KCTD16: variants seen among roughly 807,000 people sequenced by gnomAD.
KCTD16 encodes the protein potassium channel tetramerization domain containing 16.
Under a neutral mutation model 33.2 loss-of-function variants are expected in KCTD16, and 13 were observed. The ratio of observed to expected loss-of-function variants is 0.39; its 90% CI spans 0.25 to 0.62. KCTD16 has a LOEUF of 0.62. Among genes scored for constraint, KCTD16 ranks in the 20% least tolerant of loss-of-function variants. The pLI, the probability that KCTD16 is intolerant of heterozygous loss-of-function variation, is 0.50. For synonymous variants in KCTD16, 197 were observed against 195.3 expected (o/e 1.01, Z -0.07); for missense variants, 441 against 525.1 (o/e 0.84, Z 1.57).
At chr5:144,203,593 T>C (rs1026017230) in intron 2 of KCTD16, among the ~76,000 whole-genome samples, 2 of 152,194 alleles carry the variant, frequency 1.3e-5, no homozygotes, top group African/African-American at 4.8e-5. Context: ...TAAAAGATTA[T>C]AATTTTTCTT....
chr5:144,317,571 C>T (rs1277572423), intron 3 of KCTD16, among the ~76,000 whole-genome samples: 1 of 152,204 alleles, frequency 6.6e-6, no homozygotes, highest in Non-Finnish European at 1.5e-5. Context: ...GGCCCTGCCC[C>T]ACCATTTAGC....
intron 3 of KCTD16, among the ~76,000 whole-genome samples, chr5:144,235,496 G>A (rs528050950): frequency 5.9e-5 from 9 of 152,196 alleles, no homozygotes; most frequent in African/African-American, 1.9e-4. Flanking sequence ...GTGCACACAA[G>A]TTACTTAAAC....
At chr5:144,246,452 A>C (rs1754551229) in intron 3 of KCTD16, among the ~76,000 whole-genome samples, 1 of 152,242 alleles carries the variant, frequency 6.6e-6, no homozygotes, top group Non-Finnish European at 1.5e-5. Context: ...TATCCAAACA[A>C]TAGAATATCT....
chr5:144,367,994 A>T (rs1450339535), intron 3 of KCTD16, among the ~76,000 whole-genome samples: 1 of 150,732 alleles, frequency 6.6e-6, no homozygotes, highest in African/African-American at 2.4e-5. Flanking sequence ...AATAATGCTA[A>T]CTCCCCCACT....
chr5:144,209,567 C>T (rs960859398), intron 3 of KCTD16, among the ~76,000 whole-genome samples: 1 of 151,952 alleles, frequency 6.6e-6, no homozygotes, highest in African/African-American at 2.4e-5. Context: ...ATAAAACTGA[C>T]AGCTGGCTTT....
chr5:144,200,901 T>A (rs1375284387), intron 2 of KCTD16, among the ~76,000 whole-genome samples: 2 of 152,194 alleles, frequency 1.3e-5, no homozygotes, highest in Non-Finnish European at 2.9e-5. Flanking sequence ...CACACCAGGC[T>A]AATTTTTCTA....
chr5:144,442,747 T>G (rs925375953), intron 3 of KCTD16, among the ~76,000 whole-genome samples: 4 of 152,080 alleles, frequency 2.6e-5, no homozygotes, highest in Non-Finnish European at 2.9e-5. Flanking sequence ...CTGTTTCACT[T>G]AAGTTCAGCT....
At chr5:144,188,772 G>A (rs1752781183) in intron 2 of KCTD16, among the ~76,000 whole-genome samples, 1 of 152,164 alleles carries the variant, frequency 6.6e-6, no homozygotes, top group Non-Finnish European at 1.5e-5. Context: ...AGGTCAGCTT[G>A]AAAACACCAA....
At chr5:144,377,885 T>C (rs1752127521) in intron 3 of KCTD16, 1 of 152,202 alleles carries the variant, frequency 6.6e-6, no homozygotes, top group Non-Finnish European at 1.5e-5. Flanking sequence ...TAATTATCTG[T>C]TGCATCTCTT....
At chr5:144,278,124 T>C (rs1755489001) in intron 3 of KCTD16, among the ~76,000 whole-genome samples, 1 of 152,254 alleles carries the variant, frequency 6.6e-6, no homozygotes, top group East Asian at 1.9e-4. Flanking sequence ...AATTTTCTCT[T>C]ATGTTGTCTT....
At chr5:144,234,592 G>A in intron 3 of KCTD16, among the ~76,000 whole-genome samples, 1 of 152,040 alleles carries the variant, frequency 6.6e-6, no homozygotes, top group Non-Finnish European at 1.5e-5. Context: ...TTTGCTACTT[G>A]TCAGCTTTAT....
intron 3 of KCTD16, among the ~76,000 whole-genome samples, chr5:144,421,663 C>T (rs1013618349): frequency 1.3e-5 from 2 of 152,064 alleles, no homozygotes; most frequent in Non-Finnish European, 2.9e-5. Context: ...GTTGCACAGA[C>T]GTTACAATTA....
In KCTD16 at chr5:144,424,452, C is replaced by A. The variant is rs182244137; in HGVS notation, c.833-49208C>A. On this transcript the variant is annotated intron_variant, in intron 3 of 3. Coordinates refer to ENST00000512467, the MANE Select transcript of KCTD16 (RefSeq NM_020768.4). ...AGTACACAATCCACTGATGGCTTCC[C>A]AGCTGAATTAGAACAAAATCTAAAG... is the stretch of plus-strand genomic sequence containing the variant. 2.0e-3 allele frequency among the ~76,000 whole-genome samples: 301 copies of A among 152,264 alleles called. 2 individuals carry two copies. The highest frequency in any genetic ancestry group is 6.7e-3 in the African/African-American group (279 of 41,562).
intron 3 of KCTD16, among the ~76,000 whole-genome samples, chr5:144,239,678 A>C (rs1288384916): frequency 6.6e-6 from 1 of 152,166 alleles, no homozygotes; most frequent in Non-Finnish European, 1.5e-5. Flanking sequence ...AGGAAAATAT[A>C]AAAAGAAACA....
At chr5:144,308,132 C>G (rs1447447739) in intron 3 of KCTD16, among the ~76,000 whole-genome samples, 9 of 152,124 alleles carry the variant, frequency 5.9e-5, no homozygotes, top group Non-Finnish European at 1.3e-4. Context: ...CCAGGGCAGC[C>G]TTATTAATAG....
At chr5:144,400,372 C>A (rs1046153738) in intron 3 of KCTD16, among the ~76,000 whole-genome samples, 3 of 152,176 alleles carry the variant, frequency 2.0e-5, no homozygotes, top group African/African-American at 7.2e-5. Flanking sequence ...GGAAGCCAAT[C>A]AGGCAGAGTT....
intron 3 of KCTD16, among the ~76,000 whole-genome samples, chr5:144,424,781 C>A (rs1331628316): frequency 6.6e-6 from 1 of 152,022 alleles, no homozygotes; most frequent in Non-Finnish European, 1.5e-5. Context: ...TGTGCCACTC[C>A]CACAATAAAG....
At chr5:144,281,058 T>C (rs970591471) in intron 3 of KCTD16, among the ~76,000 whole-genome samples, 3 of 148,884 alleles carry the variant, frequency 2.0e-5, no homozygotes, top group Admixed American at 2.0e-4. Flanking sequence ...GGTGGGAGCC[T>C]GTAGTTCCAG....
intron 3 of KCTD16, among the ~76,000 whole-genome samples, chr5:144,304,736 G>T (rs1022303084): frequency 1.3e-5 from 2 of 152,186 alleles, no homozygotes; most frequent in African/African-American, 4.8e-5. Flanking sequence ...GGTCCCAGGA[G>T]ATCATCAAGT....
Sources: allele counts gnomAD v4.1 joint callset (sites outside exome capture counted in the v4.1 genomes callset), GRCh38; gene constraint gnomAD v4.1.1; transcripts MANE v1.5; gene names NCBI Gene and HGNC (gene_info 2026-07-23, HGNC 2026-07-21).